The following ARHGAP24 variants were observed in gnomAD, a reference collection of about 807,000 sequenced individuals.
ARHGAP24 encodes Rho GTPase activating protein 24.
Under a neutral mutation model 76.4 loss-of-function variants are expected in ARHGAP24, and 50 were observed. The observed-to-expected ratio is 0.65, with a 90% CI of 0.52 to 0.83. The LOEUF is 0.83. ARHGAP24 is among the 40% of genes least tolerant of loss of function. The pLI, the probability that ARHGAP24 is intolerant of heterozygous loss-of-function variation, is 0.00. For missense variants in ARHGAP24, 930 were observed against 914.2 expected (o/e 1.02, Z -0.22); for synonymous variants, 345 against 323.3 (o/e 1.07, Z -0.72).
intron 3 of ARHGAP24, among the ~76,000 whole-genome samples, chr4:85,810,830 A>T (rs1250187307): frequency 6.6e-6 from 1 of 152,212 alleles, no homozygotes; most frequent in Non-Finnish European, 1.5e-5. Flanking sequence ...AATTTGGGAC[A>T]TTGTCACAAA....
intron 3 of ARHGAP24, among the ~76,000 whole-genome samples, chr4:85,781,389 A>G (rs775779468): frequency 2.0e-5 from 3 of 152,162 alleles, no homozygotes; most frequent in Non-Finnish European, 4.4e-5. Flanking sequence ...ACTTTTATTA[A>G]TCTCACTCTA....
At chr4:85,907,552 T>C (rs1303771432) in intron 3 of ARHGAP24, among the ~76,000 whole-genome samples, 2 of 152,090 alleles carry the variant, frequency 1.3e-5, no homozygotes, top group Admixed American at 6.6e-5. Flanking sequence ...CCAGCAAAGG[T>C]GCACATATGT....
intron 3 of ARHGAP24, among the ~76,000 whole-genome samples, chr4:85,879,606 A>G (rs1446436054): frequency 6.6e-6 from 1 of 152,132 alleles, no homozygotes; most frequent in Non-Finnish European, 1.5e-5. Context: ...ATTTGTTAAG[A>G]CAGCAAGTTT....
At chr4:85,756,802 T>TATAA (rs1726513597) in intron 3 of ARHGAP24, among the ~76,000 whole-genome samples, 1 of 152,140 alleles carries the variant, frequency 6.6e-6, no homozygotes, top group African/African-American at 2.4e-5. Flanking sequence ...CAGGAGCTGG[T>TATAA]TTATTGATCT....
intron 3 of ARHGAP24, among the ~76,000 whole-genome samples, chr4:85,871,373 G>T (rs1352935193): frequency 2.0e-5 from 3 of 152,112 alleles, no homozygotes; most frequent in East Asian, 1.9e-4. Flanking sequence ...ATAACAATTT[G>T]TTATTTATAA....
At chr4:85,600,642 C>A (rs1276680556) in intron 2 of ARHGAP24, among the ~76,000 whole-genome samples, 1 of 152,180 alleles carries the variant, frequency 6.6e-6, no homozygotes, top group Non-Finnish European at 1.5e-5. Context: ...TCACACATGG[C>A]AAAGTATTTT....
intron 4 of ARHGAP24, among the ~76,000 whole-genome samples, chr4:85,928,321 T>G (rs1736129777): frequency 6.6e-6 from 1 of 150,752 alleles, no homozygotes; most frequent in Non-Finnish European, 1.5e-5. Context: ...CCTCCTTCCC[T>G]CCTTTCCTCC....
rs1728408190 is a variant in ARHGAP24 at position 85,797,482 on chromosome 4, A to C, written c.268+75510A>C. ...GCCACTGCGCCCGGCCGGCAAAGGA[A>C]ACATTTTTAAAGGGACATATCCATT... On this transcript the variant is annotated intron_variant, in intron 3 of 9. Coordinates refer to ENST00000395184, the MANE Select transcript of ARHGAP24 (RefSeq NM_001025616.3). Among the ~76,000 whole-genome samples the C allele has an allele frequency of 2.6e-5, 4 of 152,348 alleles. No homozygotes were observed. The South Asian group carries it at 8.3e-4, about 32-fold the overall frequency.
At chr4:85,564,400 G>GA (rs1274638429) in intron 1 of ARHGAP24, among the ~76,000 whole-genome samples, 3 of 145,102 alleles carry the variant, frequency 2.1e-5, no homozygotes, top group Non-Finnish European at 4.4e-5. Flanking sequence ...TTGTGGGGTG[G>GA]GGGGAGCGGG....
intron 3 of ARHGAP24, among the ~76,000 whole-genome samples, chr4:85,920,431 A>G (rs1166963109): frequency 6.6e-6 from 1 of 152,240 alleles, no homozygotes; most frequent in Non-Finnish European, 1.5e-5. Context: ...AAAACCCTGG[A>G]AGACAACCTA....
At chr4:85,488,137 A>G (rs1254973730) in intron 1 of ARHGAP24, among the ~76,000 whole-genome samples, 1 of 151,450 alleles carries the variant, frequency 6.6e-6, no homozygotes, top group African/African-American at 2.4e-5. Flanking sequence ...TGTGGGTATG[A>G]AAGGTGTTGT....
chr4:85,741,203 G>C (rs1437305294), intron 3 of ARHGAP24, among the ~76,000 whole-genome samples: 1 of 152,084 alleles, frequency 6.6e-6, no homozygotes, highest in African/African-American at 2.4e-5. Flanking sequence ...GTGGTTATTT[G>C]TTTCCCACTA....
chr4:85,494,497 C>T (rs546470099), intron 1 of ARHGAP24, among the ~76,000 whole-genome samples: 15 of 151,766 alleles, frequency 9.9e-5, no homozygotes, highest in Non-Finnish European at 1.6e-4. Flanking sequence ...CCATCCTGGC[C>T]AACATGGTGA....
At chr4:85,680,349 A>G (rs1723160515) in intron 2 of ARHGAP24, among the ~76,000 whole-genome samples, 1 of 152,234 alleles carries the variant, frequency 6.6e-6, no homozygotes, top group African/African-American at 2.4e-5. Context: ...TACCCAATGC[A>G]TAGTCAACCT....
At chr4:85,518,311 T>A (rs989794453) in intron 1 of ARHGAP24, among the ~76,000 whole-genome samples, 10 of 152,158 alleles carry the variant, frequency 6.6e-5, no homozygotes, top group African/African-American at 2.4e-4. Context: ...AAGGGTTTTC[T>A]AGTTAGATGA....
intron 1 of ARHGAP24, among the ~76,000 whole-genome samples, chr4:85,506,517 G>A (rs552217558): frequency 1.3e-5 from 2 of 152,326 alleles, no homozygotes; most frequent in East Asian, 3.9e-4. Flanking sequence ...CGCTAGCAGT[G>A]AGCAAGGCTC....
chr4:85,493,639 A>G (rs917312819), intron 1 of ARHGAP24, among the ~76,000 whole-genome samples: 1 of 152,168 alleles, frequency 6.6e-6, no homozygotes, highest in East Asian at 1.9e-4. Context: ...CTTTTCTGGT[A>G]CCACAAGACA....
intron 5 of ARHGAP24, among the ~76,000 whole-genome samples, chr4:85,963,308 T>A (rs944245804): frequency 2.0e-5 from 3 of 152,070 alleles, no homozygotes; most frequent in African/African-American, 7.2e-5. Context: ...TGAATGTTAC[T>A]TCTAAGTTAA....
intron 2 of ARHGAP24, among the ~76,000 whole-genome samples, chr4:85,644,399 A>T (rs955344021): frequency 6.6e-6 from 1 of 152,094 alleles, no homozygotes; most frequent in South Asian, 2.1e-4. Flanking sequence ...TCATTTAATG[A>T]CTCTGCTTTT....
Sources: allele counts gnomAD v4.1 joint callset (sites outside exome capture counted in the v4.1 genomes callset), GRCh38; gene constraint gnomAD v4.1.1; transcripts MANE v1.5; gene names NCBI Gene and HGNC (gene_info 2026-07-23, HGNC 2026-07-21).